The following ZNF470 variants were observed in gnomAD, a reference collection of about 807,000 sequenced individuals.
ZNF470 encodes chondrogenesis zinc finger protein 1.
ZNF470 carries 13 observed loss-of-function variants against 13.9 expected under a neutral mutation model. The ratio of observed to expected loss-of-function variants is 0.94; its 90% CI spans 0.61 to 1.49. The LOEUF (loss-of-function observed/expected upper bound fraction) is 1.49, where lower values mean the gene tolerates loss of function less well. ZNF470 is among the 40% of genes most tolerant of loss of function. The pLI is 0.00. For missense variants in ZNF470, 929 were observed against 857.3 expected (o/e 1.08, Z -1.04); for synonymous variants, 293 against 282.9 (o/e 1.04, Z -0.36).
rs187958416 is a variant in ZNF470, at chr19:56,577,614, A to G, written c.1185A>G (p.Lys395=). ...RHRRYYHTGE[K]PFDCIDCGKA... is the part of the protein sequence containing the mutation. ...GGCGATATTATCATACTGGAGAGAA[A>G]CCCTTTGACTGTATTGATTGTGGGA... The change falls in exon 6 of 6, where the codon AAA becomes AAG. Residue 395 remains lysine (K), a synonymous_variant. Transcript: ENST00000330619. 14 of 1,613,980 alleles carry G rather than the reference A, an allele frequency of 8.7e-6. No individual in the cohort carries two copies. In the East Asian group the frequency reaches 2.2e-4, roughly 26 times the overall value.
intron 3 of ZNF470, among the ~76,000 whole-genome samples, chr19:56,572,914 G>A (rs989734507): frequency 2.6e-5 from 4 of 152,174 alleles, no homozygotes; most frequent in African/African-American, 9.7e-5. Flanking sequence ...AATTATACCA[G>A]AAGGGAACTT....
intron 1 of ZNF470, 57 bp downstream of exon 1, chr19:56,568,095 C>T (rs1407046823): frequency 2.0e-6 from 2 of 985,742 alleles, no homozygotes; most frequent in Admixed American, 6.1e-5. Flanking sequence ...GTTTTGGGTG[C>T]TGTCTTTCGG....
rs2044523228 is a variant in ZNF470 at position 56,579,964 on chromosome 19, CACTA to C, written c.*1382_*1385del. 3.4e-6 allele frequency: 1 copy of C among 293,920 alleles called. No homozygotes were observed. The allele number at this position is 293,920 out of a possible 1,614,324, so 18.2% of individuals were successfully genotyped here. On this transcript the variant is annotated 3_prime_UTR_variant, in exon 6 of 6. Coordinates refer to ENST00000330619, the MANE Select transcript of ZNF470 (RefSeq NM_001001668.4). ...ATTGAACATTTGCTAATGTTTCACA[CACTA>C]TTTTAGGTGCTGGGGGATACAGTAA... is the stretch of plus-strand genomic sequence containing the variant.
Position 56,579,810 on chromosome 19 carries a change from T to C in ZNF470, c.*1227T>C. 1.1e-6 allele frequency: 1 copy of C among 891,652 alleles called. No homozygotes were observed. Among genetic ancestry groups the C allele is most frequent in the Non-Finnish European group, 1.3e-6 (1 of 744,710 alleles). 55.2% of individuals were successfully genotyped at this position (891,652 alleles called of 1,614,324 possible). The stretch of plus-strand genomic sequence containing the variant: ...TCTGATAAAAATATTTCTCCCTAAA[T>C]TGTAAATTCATTGATATTCCAGTAA... On this transcript the variant is annotated 3_prime_UTR_variant, in exon 6 of 6. Transcript: ENST00000330619.
Position 56,576,782 on chromosome 19 carries a change from C to T in ZNF470, c.353C>T (p.Pro118Leu), listed in dbSNP as rs150606645. 668 of 1,543,384 alleles carry T rather than the reference C, an allele frequency of 4.3e-4. 6 individuals carry two copies. The African/African-American group carries it at 7.4e-3, about 17-fold the overall frequency. ...NQDIYEEKLP[P>L]AIIMERLKSY... ...GATATTTATGAAGAAAAATTACCCC[C>T]GGCAATCATAATGGAAAGACTTAAA... The change falls in exon 6 of 6, where the codon CCG becomes CTG. Residue 118 changes from proline to leucine, a missense_variant. Physicochemically the swap from Pro to Leu is moderately conservative, Grantham distance 98. Coordinates refer to ENST00000330619, the MANE Select transcript of ZNF470 (RefSeq NM_001001668.4).
rs752465247 is a variant in ZNF470, at chr19:56,577,097, G to A, written c.668G>A (p.Gly223Glu). Residue 223 changes from glycine to glutamate, a missense_variant, in exon 6 of 6, where the codon GGA (glycine) becomes GAA (glutamate). By Grantham distance (98) the Gly-to-Glu change is moderately conservative (BLOSUM62 -2). Transcript: ENST00000330619. ...GTGAAAAAACACAAGCAAGACCGTG[G>A]AGAAAAGAAACTTTTAAAATGTAAT... ...SVVKKHKQDR[G>E]EKKLLKCNDC... 1 of 1,607,968 alleles carries A rather than the reference G, an allele frequency of 6.2e-7. No homozygotes were observed. The highest frequency in any genetic ancestry group is 1.1e-5 in the South Asian group (1 of 89,920).
At chr19:56,575,829 G>C (rs2044484745) in intron 5 of ZNF470, among the ~76,000 whole-genome samples, 1 of 151,938 alleles carries the variant, frequency 6.6e-6, no homozygotes, top group Non-Finnish European at 1.5e-5. Flanking sequence ...GTGGTCCTAT[G>C]TACATTAATA....
In ZNF470 at chr19:56,578,813, A is replaced by G; in HGVS notation, c.*230A>G. On this transcript the variant is annotated 3_prime_UTR_variant, in exon 6 of 6. Transcript: ENST00000330619. ...TTAAAACACTTGATTTGAAAAATAT[A>G]TTAACTAATCCATTTCAAGGATTTA... is the stretch of plus-strand genomic sequence containing the variant. The G allele has an allele frequency of 2.5e-6, 3 of 1,213,564 alleles. No individual in the cohort carries two copies. The highest frequency in any genetic ancestry group is 2.1e-6 in the Non-Finnish European group (2 of 970,508). 75.2% of individuals were successfully genotyped at this position (1,213,564 alleles called of 1,614,324 possible).
rs1044800945 is a variant in ZNF470, at chr19:56,580,873, G to A, written c.*2290G>A. ...TGGGGAAAAGGTGGTTTGATCAAAT[G>A]GCATTGGGAAACTTAGCTCACTGGA... On this transcript the variant is annotated 3_prime_UTR_variant, in exon 6 of 6. Transcript: ENST00000330619. The A allele has an allele frequency of 6.1e-6, 6 of 985,080 alleles. No homozygotes were observed. The African/African-American group carries it at 1.0e-4, about 17-fold the overall frequency. 61.0% of individuals were successfully genotyped at this position (985,080 alleles called of 1,614,324 possible).
chr19:56,581,129 AAAG>A lies in ZNF470; in HGVS notation c.*2547_*2549del, dbSNP rs1283718011. The A allele has an allele frequency of 1.9e-5, 17 of 914,876 alleles. No homozygotes were observed. In the African/African-American group the frequency reaches 2.7e-4, roughly 14 times the overall value. 56.7% of individuals were successfully genotyped at this position (914,876 alleles called of 1,614,324 possible). ...ACAAAGTGTTTGCAACAGATATAAT[AAAG>A]GACTGTAATTCGTGATATTCAAAGT... On this transcript the variant is annotated 3_prime_UTR_variant, in exon 6 of 6. Coordinates refer to ENST00000330619, the MANE Select transcript of ZNF470 (RefSeq NM_001001668.4).
Position 56,574,731 on chromosome 19 carries a change from C to T in ZNF470, c.281C>T (p.Pro94Leu). ...IKGGMNRGLCPDLECVWVTKS... is the reference protein window; with the variant it reads ...IKGGMNRGLCLDLECVWVTKS... ...GGAGGGATGAACAGAGGCCTGTGCC[C>T]AGGTAAGTGGAGGATACCTAGAGAT... The change falls in exon 5 of 6, where the codon CCA becomes CTA. Residue 94 changes from proline to leucine, a missense_variant and splice_region_variant. Pro to Leu is a moderately conservative substitution (Grantham distance 98). Coordinates refer to ENST00000330619, the MANE Select transcript of ZNF470 (RefSeq NM_001001668.4). The T allele has an allele frequency of 6.2e-7, 1 of 1,612,858 alleles. No individual in the cohort carries two copies. The highest frequency in any genetic ancestry group is 2.2e-5 in the East Asian group (1 of 44,862).
rs1011267703 is a variant in ZNF470 at position 56,579,890 on chromosome 19, G to A, written c.*1307G>A. 3 of 451,624 alleles carry A rather than the reference G, an allele frequency of 6.6e-6. No individual in the cohort carries two copies. Among genetic ancestry groups the A allele is most frequent in the African/African-American group, 6.4e-5 (3 of 46,776 alleles). 28.0% of individuals were successfully genotyped at this position (451,624 alleles called of 1,614,324 possible). A position where few individuals can be genotyped will look rare whatever the true frequency, so the allele number is the denominator to read the frequency against. ...TGATTCTGATCATCTGTAGAATTTT[G>A]ATTTTAACGAGGAATGTAGTTTACA... is the stretch of plus-strand genomic sequence containing the variant. On this transcript the variant is annotated 3_prime_UTR_variant, in exon 6 of 6. Transcript: ENST00000330619.
Position 56,574,607 on chromosome 19 carries a change from A to G in ZNF470, c.188-31A>G. 1.9e-6 allele frequency: 3 copies of G among 1,612,300 alleles called. No homozygotes were observed. The South Asian group carries it at 3.3e-5, about 18-fold the overall frequency. ...AATTTCCCATAGTTTTCCACAGCAT[A>G]GGCAATTTTTATATGTCTTTTTACA... On this transcript the variant is annotated intron_variant, in intron 4 of 5. Transcript: ENST00000330619.
At chr19:56,568,096 T>A in intron 1 of ZNF470, 58 bp downstream of exon 1, 2 of 985,858 alleles carry the variant, frequency 2.0e-6, no homozygotes, top group Non-Finnish European at 2.4e-6. Flanking sequence ...TTTTGGGTGC[T>A]GTCTTTCGGG....
rs1733752981 is a variant in ZNF470, at chr19:56,581,593, T to C, written c.*3010T>C. ...GAAAAAAAATCAATGTGTGTAGTCA[T>C]AGAAAGATAGCTGTGCTATACTAAA... On this transcript the variant is annotated 3_prime_UTR_variant, in exon 6 of 6. Transcript: ENST00000330619. 1 of 812,114 alleles carries C rather than the reference T, an allele frequency of 1.2e-6. No homozygotes were observed. The allele number at this position is 812,114 out of a possible 1,614,324, so 50.3% of individuals were successfully genotyped here. A position where few individuals can be genotyped will look rare whatever the true frequency, so the allele number is the denominator to read the frequency against.
intron 5 of ZNF470, 89 bp from the exon 6 acceptor site, chr19:56,576,624 A>G (rs1199021929): frequency 8.0e-6 from 9 of 1,130,124 alleles, no homozygotes; most frequent in African/African-American, 1.6e-5. Context: ...GTGGGTTTCA[A>G]TAACTATGTG....
Position 56,579,616 on chromosome 19 carries a change from A to C in ZNF470, c.*1033A>C. ...TGTGGTATTTAAATTGTTCTAGCATAAAATAAAATGCAATAAGACCTTCCA... is the reference window on the plus strand; with the variant it reads ...TGTGGTATTTAAATTGTTCTAGCATCAAATAAAATGCAATAAGACCTTCCA... On this transcript the variant is annotated 3_prime_UTR_variant, in exon 6 of 6. Coordinates refer to ENST00000330619, the MANE Select transcript of ZNF470 (RefSeq NM_001001668.4). 1 of 985,458 alleles carries C rather than the reference A, an allele frequency of 1.0e-6. No homozygotes were observed. Among genetic ancestry groups the C allele is most frequent in the Non-Finnish European group, 1.2e-6 (1 of 829,932 alleles). The allele number at this position is 985,458 out of a possible 1,614,324, so 61.0% of individuals were successfully genotyped here. A position where few individuals can be genotyped will look rare whatever the true frequency, so the allele number is the denominator to read the frequency against.
chr19:56,578,654 G>A lies in ZNF470; in HGVS notation c.*71G>A, dbSNP rs989122856. On this transcript the variant is annotated 3_prime_UTR_variant, in exon 6 of 6. Transcript: ENST00000330619. Reference sequence around the variant, plus strand: ...CACATGTCCCATCATCATAGTCCAAGACGCAACCATCTCATCTGGATTTCT... The same window carrying A: ...CACATGTCCCATCATCATAGTCCAAAACGCAACCATCTCATCTGGATTTCT... 1 of 1,371,314 alleles carries A rather than the reference G, an allele frequency of 7.3e-7. No homozygotes were observed. The highest frequency in any genetic ancestry group is 1.4e-5 in the African/African-American group (1 of 69,236). 84.9% of individuals were successfully genotyped at this position (1,371,314 alleles called of 1,614,324 possible).
At chr19:56,571,227 C>G (rs767086689) in intron 3 of ZNF470, among the ~76,000 whole-genome samples, 39 of 152,178 alleles carry the variant, frequency 2.6e-4, no homozygotes, top group Non-Finnish European at 4.4e-4. Flanking sequence ...AGGTTGAATA[C>G]CATAATCTGT....
Sources: gnomAD v4.1 joint callset for allele counts (sites outside exome capture counted in the v4.1 genomes callset) on GRCh38, gnomAD v4.1.1 for gene constraint, MANE v1.5 for transcripts, NCBI Gene and HGNC (gene_info 2026-07-23, HGNC 2026-07-21) for gene names.